The following MYO5B variants were observed in gnomAD, a reference collection of about 807,000 sequenced individuals.
MYO5B encodes the protein unconventional myosin-Vb.
MYO5B carries 143 observed loss-of-function variants against 229.3 expected under a neutral mutation model. That is an observed-to-expected ratio of 0.62 (90% CI 0.54 to 0.72). The LOEUF (loss-of-function observed/expected upper bound fraction) is 0.72, where lower values mean the gene tolerates loss of function less well. Ranked by LOEUF, MYO5B falls within the 30% of genes least tolerant of loss-of-function variation. The probability of loss-of-function intolerance (pLI) is 0.00; values close to 1 mark genes in which losing one functional copy is unlikely to be tolerated. For missense variants in MYO5B, 2,321 were observed against 2,331.0 expected (o/e 1.00, Z 0.09); for synonymous variants, 918 against 885.2 (o/e 1.04, Z -0.66).
chr18:49,864,448 C>A, intron 27 of MYO5B, 68 bp from the exon 28 acceptor site: 1 of 1,584,014 alleles, frequency 6.3e-7, no homozygotes, highest in South Asian at 1.1e-5. Context: ...TGTGGGCCTC[C>A]CCTCCTCCCC....
intron 27 of MYO5B, among the ~76,000 whole-genome samples, chr18:49,870,953 A>G (rs1394198115): frequency 6.6e-6 from 1 of 152,200 alleles, no homozygotes; most frequent in African/African-American, 2.4e-5. Flanking sequence ...GTATATACCT[A>G]AAAGAACTGA....
At position 50,147,900 on chromosome 18, in the gene MYO5B, G is replaced by A. The variant is rs560366042; in HGVS notation, c.27+46867C>T. On this transcript the variant is annotated intron_variant, in intron 1 of 39. Transcript: ENST00000285039. ...GAAACTGTTACCAGCATTAGCGGATGTGAAAAATGGGGCAGTGGAAATTGA... is the reference window on the plus strand; with the variant it reads ...GAAACTGTTACCAGCATTAGCGGATATGAAAAATGGGGCAGTGGAAATTGA... Among the ~76,000 whole-genome samples the A allele has an allele frequency of 1.4e-4, 21 of 152,242 alleles. No homozygotes were observed. In the East Asian group the frequency reaches 1.7e-3, roughly 13 times the overall value.
At chr18:50,003,623 T>C (rs1449210958) in intron 4 of MYO5B, among the ~76,000 whole-genome samples, 4 of 152,160 alleles carry the variant, frequency 2.6e-5, no homozygotes, top group Non-Finnish European at 5.9e-5. Context: ...ACATCACAAG[T>C]TTGGCGTTGT....
chr18:50,179,608 G>A lies in MYO5B; in HGVS notation c.27+15159C>T, dbSNP rs555604976. Among the ~76,000 whole-genome samples, 14 of 152,314 alleles carry A rather than the reference G, an allele frequency of 9.2e-5. No homozygotes were observed. The East Asian group carries it at 2.3e-3, about 25-fold the overall frequency. ...CACACAGCAGAGGTGAGAAGACAAG[G>A]AAAAGAGCCAAGGACAAGAGTAACT... is the stretch of plus-strand genomic sequence containing the variant. On this transcript the variant is annotated intron_variant, in intron 1 of 39. Coordinates refer to ENST00000285039, the MANE Select transcript of MYO5B (RefSeq NM_001080467.3).
intron 1 of MYO5B, among the ~76,000 whole-genome samples, chr18:50,079,659 C>CTTCTGCACAGCT (rs1251124384): frequency 1.6e-4 from 25 of 152,158 alleles, no homozygotes; most frequent in Non-Finnish European, 3.5e-4. Context: ...CCACCTGCCA[C>CTTCTGCACAGCT]TCTCCAGCTC....
intron 1 of MYO5B, among the ~76,000 whole-genome samples, chr18:50,096,324 C>A (rs938321451): frequency 6.6e-6 from 1 of 152,152 alleles, no homozygotes; most frequent in Non-Finnish European, 1.5e-5. Context: ...TCAACATCTG[C>A]TTCTCACACC....
chr18:50,084,759 G>A (rs541818490), intron 1 of MYO5B, among the ~76,000 whole-genome samples: 6 of 152,210 alleles, frequency 3.9e-5, no homozygotes, highest in African/African-American at 7.2e-5. Context: ...AAATAATGCT[G>A]CATATCTACA....
chr18:49,895,159 T>A lies in MYO5B; in HGVS notation c.2827A>T (p.Thr943Ser). ...KIDEQNKEFKTLSEQLSVTTS... is the reference protein window; with the variant it reads ...KIDEQNKEFKSLSEQLSVTTS... ...GTCACGGACAACTGCTCTGAAAGTG[T>A]CTTGAACTCTTTGTTCTGTGGAGAA... The change falls in exon 22 of 40, where the codon ACA (threonine) becomes TCA (serine). Residue 943 changes from threonine (T) to serine (S), a missense_variant. By Grantham distance (58) the Thr-to-Ser change is moderately conservative. Coordinates refer to ENST00000285039, the MANE Select transcript of MYO5B (RefSeq NM_001080467.3). 6.2e-7 allele frequency: 1 copy of A among 1,613,968 alleles called. No individual in the cohort carries two copies. Among genetic ancestry groups the A allele is most frequent in the Non-Finnish European group, 8.5e-7 (1 of 1,179,960 alleles).
intron 1 of MYO5B, among the ~76,000 whole-genome samples, chr18:50,056,664 G>C (rs187424603): frequency 6.6e-6 from 1 of 151,642 alleles, no homozygotes; most frequent in African/African-American, 2.4e-5. Flanking sequence ...CCCTGGGCCA[G>C]TCTGTCACCT....
intron 14 of MYO5B, among the ~76,000 whole-genome samples, chr18:49,941,941 C>T (rs968085995): frequency 1.6e-5 from 2 of 125,272 alleles, no homozygotes; most frequent in Non-Finnish European, 3.4e-5. Flanking sequence ...TATAAGGCTA[C>T]AGTAACCAAA....
At chr18:50,107,109 CTTTTTTTTT>C (rs71169479) in intron 1 of MYO5B, among the ~76,000 whole-genome samples, 123 of 56,650 alleles carry the variant, frequency 2.2e-3, no homozygotes, top group South Asian at 3.6e-3. Flanking sequence ...CTTAGGGTGC[CTTTTTTTTT>C]TTTTTTTTTT....
At chr18:50,082,414 A>G (rs2031239652) in intron 1 of MYO5B, among the ~76,000 whole-genome samples, 1 of 152,254 alleles carries the variant, frequency 6.6e-6, no homozygotes, top group South Asian at 2.1e-4. Flanking sequence ...CAAATATGTG[A>G]ACAGAGAAAA....
chr18:50,066,680 T>C (rs974869954), intron 1 of MYO5B, among the ~76,000 whole-genome samples: 16 of 152,220 alleles, frequency 1.1e-4, no homozygotes, highest in Non-Finnish European at 1.8e-4. Context: ...ATGAAACCAG[T>C]TGTGACTTTT....
At chr18:49,908,687 C>T (rs1406326466) in intron 18 of MYO5B, among the ~76,000 whole-genome samples, 1 of 152,176 alleles carries the variant, frequency 6.6e-6, no homozygotes, top group Non-Finnish European at 1.5e-5. Context: ...TGCACGACAG[C>T]CAGTCTCCGT....
At chr18:49,907,396 T>C (rs1340104211) in intron 18 of MYO5B, among the ~76,000 whole-genome samples, 1 of 152,208 alleles carries the variant, frequency 6.6e-6, no homozygotes, top group Admixed American at 6.5e-5. Context: ...ACTGTCTTAA[T>C]TACATCCATT....
chr18:49,936,107 T>C (rs2025246520), intron 16 of MYO5B, 145 bp downstream of exon 16: 3 of 733,032 alleles, frequency 4.1e-6, no homozygotes, highest in African/African-American at 1.7e-5. Flanking sequence ...TCAGTCTGTC[T>C]GCAGCAAGTA....
chr18:49,958,445 T>C (rs528121710), intron 12 of MYO5B, among the ~76,000 whole-genome samples: 3 of 152,338 alleles, frequency 2.0e-5, no homozygotes, highest in African/African-American at 7.2e-5. Context: ...CGTCTCTTCC[T>C]TCATGGGGAA....
At chr18:49,928,759 G>A (rs2025157019) in intron 17 of MYO5B, among the ~76,000 whole-genome samples, 1 of 152,152 alleles carries the variant, frequency 6.6e-6, no homozygotes, top group Non-Finnish European at 1.5e-5. Flanking sequence ...AGAAAATGTG[G>A]TACGTATATA....
chr18:50,125,207 G>C (rs886856600), intron 1 of MYO5B, among the ~76,000 whole-genome samples: 1 of 152,062 alleles, frequency 6.6e-6, no homozygotes, highest in African/African-American at 2.4e-5. Flanking sequence ...ACTGAACAAT[G>C]AATGTTAAGA....
Sources: gnomAD v4.1 joint callset for allele counts (sites outside exome capture counted in the v4.1 genomes callset) on GRCh38, gnomAD v4.1.1 for gene constraint, MANE v1.5 for transcripts, NCBI Gene and HGNC (gene_info 2026-07-23, HGNC 2026-07-21) for gene names.